NELL1: variants seen among roughly 807,000 people sequenced by gnomAD.
NELL1 encodes the protein protein kinase C-binding protein NELL1.
In NELL1, 76 loss-of-function variants were observed where a neutral mutation model predicts 107.4. The ratio of observed to expected loss-of-function variants is 0.71; its 90% CI spans 0.59 to 0.86. NELL1 has a LOEUF of 0.86. Among genes scored for constraint, NELL1 ranks in the 40% least tolerant of loss-of-function variants. The pLI is 0.00. For synonymous variants in NELL1, 353 were observed against 341.2 expected (o/e 1.03, Z -0.38); for missense variants, 1,024 against 1,005.5 (o/e 1.02, Z -0.25).
At chr11:20,932,921 G>T (rs1258726740) in intron 9 of NELL1, among the ~76,000 whole-genome samples, 3 of 152,234 alleles carry the variant, frequency 2.0e-5, no homozygotes, top group African/African-American at 7.2e-5. Flanking sequence ...ATATGTATGT[G>T]TGTGTTAGGA....
intron 4 of NELL1, among the ~76,000 whole-genome samples, chr11:20,858,249 G>A (rs1848918297): frequency 6.6e-6 from 1 of 152,124 alleles, no homozygotes; most frequent in Non-Finnish European, 1.5e-5. Context: ...ACCGTTTAAG[G>A]AAGTGCACCC....
intron 16 of NELL1, among the ~76,000 whole-genome samples, chr11:21,558,369 T>C (rs1242380159): frequency 6.6e-6 from 1 of 151,748 alleles, no homozygotes; most frequent in African/African-American, 2.4e-5. Context: ...TAGGAATACA[T>C]TCTGGAATGG....
intron 14 of NELL1, among the ~76,000 whole-genome samples, chr11:21,253,188 C>T (rs367725700): frequency 3.3e-5 from 5 of 152,058 alleles, no homozygotes; most frequent in African/African-American, 9.6e-5. Context: ...ATACCTATAA[C>T]CTCTTAATGA....
At chr11:21,478,841 G>GA (rs34783621) in intron 15 of NELL1, among the ~76,000 whole-genome samples, 62,556 of 147,182 alleles carry the variant, frequency 0.43, 13,269 homozygotes, top group East Asian at 0.51. Context: ...AACCCTATAA[G>GA]AAAAAAAAAA....
chr11:20,850,552 C>T (rs1033215281), intron 4 of NELL1, among the ~76,000 whole-genome samples: 2 of 152,114 alleles, frequency 1.3e-5, no homozygotes, highest in Admixed American at 6.6e-5. Flanking sequence ...ATGGCAGCAC[C>T]AGGATTTGGA....
chr11:21,305,693 C>CTA (rs1178974229), intron 14 of NELL1, among the ~76,000 whole-genome samples: 1 of 151,458 alleles, frequency 6.6e-6, no homozygotes, highest in Non-Finnish European at 1.5e-5. Flanking sequence ...AGTATAGATT[C>CTA]TATATATATG....
intron 15 of NELL1, among the ~76,000 whole-genome samples, chr11:21,453,518 G>T (rs1376773880): frequency 6.6e-6 from 1 of 151,090 alleles, no homozygotes; most frequent in Non-Finnish European, 1.5e-5. Flanking sequence ...TCGTGTCTTT[G>T]TATTTACATG....
intron 13 of NELL1, among the ~76,000 whole-genome samples, chr11:21,151,053 C>T (rs538562555): frequency 7.9e-5 from 12 of 152,206 alleles, no homozygotes; most frequent in African/African-American, 2.9e-4. Context: ...GAAATCCACC[C>T]CTGTGATCCA....
At chr11:21,049,404 A>C (rs1565032984) in intron 12 of NELL1, among the ~76,000 whole-genome samples, 1 of 152,178 alleles carries the variant, frequency 6.6e-6, no homozygotes, top group Non-Finnish European at 1.5e-5. Flanking sequence ...TCTCCTGAGC[A>C]GCCACCCCAT....
At chr11:20,884,570 A>G (rs1323408057) in intron 4 of NELL1, among the ~76,000 whole-genome samples, 1 of 152,162 alleles carries the variant, frequency 6.6e-6, no homozygotes, top group Non-Finnish European at 1.5e-5. Flanking sequence ...ACTATTTCTA[A>G]AGAGGGCACG....
At chr11:20,960,744 A>C (rs1851273623) in intron 12 of NELL1, among the ~76,000 whole-genome samples, 184 bp downstream of exon 12, 1 of 152,202 alleles carries the variant, frequency 6.6e-6, no homozygotes, top group African/African-American at 2.4e-5. Context: ...GTAGCATGAG[A>C]AAGCAAGACC....
chr11:21,487,472 C>CA (rs1854665789), intron 15 of NELL1, among the ~76,000 whole-genome samples: 1 of 33,082 alleles, frequency 3.0e-5, no homozygotes, highest in African/African-American at 1.2e-4. Context: ...CACCTGGAAG[C>CA]AAAAAAACAT....
chr11:21,381,412 G>A (rs1057002904), intron 15 of NELL1, among the ~76,000 whole-genome samples: 4 of 151,714 alleles, frequency 2.6e-5, no homozygotes, highest in African/African-American at 4.8e-5. Context: ...TCTAAGTGTC[G>A]GTTTGCCACT....
chr11:21,147,760 C>T (rs1022168168), intron 13 of NELL1, among the ~76,000 whole-genome samples: 4 of 128,462 alleles, frequency 3.1e-5, no homozygotes, highest in African/African-American at 2.9e-5. Context: ...TGCTTGAACC[C>T]GGGAGGTGGA....
chr11:21,196,892 T>G (rs1857165997), intron 13 of NELL1, among the ~76,000 whole-genome samples: 1 of 150,668 alleles, frequency 6.6e-6, no homozygotes, highest in South Asian at 2.1e-4. Flanking sequence ...TCTTTTTTTT[T>G]TTTTTTTCTC....
At chr11:21,282,611 TG>T (rs1296251762) in intron 14 of NELL1, among the ~76,000 whole-genome samples, 1 of 152,126 alleles carries the variant, frequency 6.6e-6, no homozygotes, top group Non-Finnish European at 1.5e-5. Flanking sequence ...GAGAACAGTT[TG>T]GAAGTTCCTC....
At chr11:20,706,392 A>G (rs1165237565) in intron 2 of NELL1, among the ~76,000 whole-genome samples, 4 of 152,088 alleles carry the variant, frequency 2.6e-5, no homozygotes. Flanking sequence ...GCTGGAAACC[A>G]TCATTCTCAG....
At chr11:21,309,567 G>A (rs550592346) in intron 14 of NELL1, among the ~76,000 whole-genome samples, 52 of 151,470 alleles carry the variant, frequency 3.4e-4, no homozygotes, top group Admixed American at 5.3e-4. Context: ...CATTCCAGTC[G>A]GTATTCTAAT....
intron 12 of NELL1, among the ~76,000 whole-genome samples, chr11:21,039,201 G>A (rs912255351): frequency 9.3e-5 from 14 of 151,044 alleles, no homozygotes; most frequent in African/African-American, 3.2e-4. Context: ...TTTTTTCTCC[G>A]AGACAGAGTC....
Sources: gnomAD v4.1 joint callset for allele counts (sites outside exome capture counted in the v4.1 genomes callset) on GRCh38, gnomAD v4.1.1 for gene constraint, MANE v1.5 for transcripts, NCBI Gene and HGNC (gene_info 2026-07-23, HGNC 2026-07-21) for gene names.